The following SYNE1 variants were observed in gnomAD, a reference collection of about 807,000 sequenced individuals.
SYNE1 encodes the protein nesprin-1.
SYNE1 carries 616 observed loss-of-function variants against 1,111.0 expected under a neutral mutation model. The ratio of observed to expected loss-of-function variants is 0.55; its 90% CI spans 0.52 to 0.59. The LOEUF (loss-of-function observed/expected upper bound fraction) is 0.59. SYNE1 is among the 20% of genes least tolerant of loss of function. The pLI is 0.00. For synonymous variants in SYNE1, 3,855 were observed against 3,825.8 expected (o/e 1.01, Z -0.28); for missense variants, 10,006 against 10,417.0 (o/e 0.96, Z 1.72).
chr6:152,163,125 A>T (rs922995894), intron 131 of SYNE1, among the ~76,000 whole-genome samples: 2 of 152,164 alleles, frequency 1.3e-5, no homozygotes, highest in Admixed American at 1.3e-4. Context: ...AGCAACCTAA[A>T]TGCATGGAGT....
At chr6:152,279,081 G>A (rs2093836838) in intron 97 of SYNE1, among the ~76,000 whole-genome samples, 1 of 149,084 alleles carries the variant, frequency 6.7e-6, no homozygotes, top group East Asian at 2.0e-4. Context: ...ACTTTTAATT[G>A]TCTGTTATGG....
At chr6:152,623,746 G>T (rs919250457) in intron 3 of SYNE1, among the ~76,000 whole-genome samples, 1 of 151,860 alleles carries the variant, frequency 6.6e-6, no homozygotes, top group African/African-American at 2.4e-5. Flanking sequence ...ATATACATGC[G>T]GCCAACAATA....
In SYNE1 at chr6:152,369,014, C is replaced by A. The variant is rs759631028; in HGVS notation, c.9765G>T (p.Ser3255=). 3.1e-6 allele frequency: 5 copies of A among 1,614,176 alleles called. No homozygotes were observed. The Admixed American group carries it at 6.7e-5, about 22-fold the overall frequency. Residue 3255 remains serine, a synonymous_variant, in exon 61 of 146, where the codon TCG becomes TCT. Coordinates refer to ENST00000367255, the MANE Select transcript of SYNE1 (RefSeq NM_182961.4). ...GCGCTAGATACTGAGAAGACAGCTG[C>A]GACACTCTGTGCCTAAAGCTCTTGC... ...AASKSFRHRV[S]QLSSQYLALS...
chr6:152,442,755 G>A (rs1232412974), intron 30 of SYNE1, among the ~76,000 whole-genome samples: 1 of 152,092 alleles, frequency 6.6e-6, no homozygotes, highest in East Asian at 1.9e-4. Context: ...GAACAGTCTG[G>A]GCAACATAGC....
chr6:152,294,334 TA>T (rs1195117111), intron 93 of SYNE1, among the ~76,000 whole-genome samples: 2 of 152,196 alleles, frequency 1.3e-5, no homozygotes, highest in African/African-American at 2.4e-5. Context: ...AATTTTGGTT[TA>T]TATATATCAA....
rs573000687 is a variant in SYNE1, at chr6:152,380,689, G to A, written c.9009+317C>T. ...TGACTCTCTGTCTATTTATGCCCCT[G>A]CCCACAGGCCATTTTTCAGACTGAA... On this transcript the variant is annotated intron_variant, in intron 56 of 145. Transcript: ENST00000367255. The A allele has an allele frequency of 1.6e-5, 6 of 366,754 alleles. No homozygotes were observed. In the East Asian group the frequency reaches 4.2e-4, roughly 25 times the overall value. 22.7% of individuals were successfully genotyped at this position (366,754 alleles called of 1,614,324 possible).
intron 5 of SYNE1, among the ~76,000 whole-genome samples, chr6:152,521,502 C>A (rs2099139389): frequency 6.6e-6 from 1 of 152,158 alleles, no homozygotes; most frequent in Non-Finnish European, 1.5e-5. Context: ...TGTATCCTCT[C>A]CAACATTTGA....
chr6:152,148,215 C>A lies in SYNE1; in HGVS notation c.24806G>T (p.Arg8269Leu), dbSNP rs148367376. 1.1e-5 allele frequency: 18 copies of A among 1,613,974 alleles called. No homozygotes were observed. Among genetic ancestry groups the A allele is most frequent in the Non-Finnish European group, 1.4e-5 (17 of 1,180,014 alleles). Reference sequence around the variant, plus strand: ...ACTAGCCGGGGTGTCTCGTCCTGACCGCTCGCTCCGGAGGGGCTGAGCGAG... The same window carrying A: ...ACTAGCCGGGGTGTCTCGTCCTGACAGCTCGCTCCGGAGGGGCTGAGCGAG... The part of the protein sequence containing the change: ...LSLAQPLRSE[R>L]SGRDTPASVD... The change falls in exon 137 of 146, where the codon CGG becomes CTG. Residue 8269 changes from arginine (R) to leucine (L), a missense_variant. By Grantham distance (102) the Arg-to-Leu change is moderately radical. Transcript: ENST00000367255. This position sits in a 1 kb window ranked among gnomAD's most constrained non-coding sequence, Gnocchi z 4.1.
rs748375969 is a variant in SYNE1, at chr6:152,151,969, C to T, written c.24302G>A (p.Arg8101His). 10 of 1,614,040 alleles carry T rather than the reference C, an allele frequency of 6.2e-6. No individual in the cohort carries two copies. The highest frequency in any genetic ancestry group is 1.1e-5 in the South Asian group (1 of 91,070). The part of the protein sequence containing the change: ...NLQKRVTSIL[R>H]RLKHFIGQRE... ...AGGCATAGCAAAAACCTTGAGTCTG[C>T]GCAAGATGGAGGTGACACGCTTTTG... Residue 8101 changes from arginine (R) to histidine (H), a missense_variant, in exon 134 of 146, where the codon CGC (arginine) becomes CAC (histidine). Coordinates refer to ENST00000367255, the MANE Select transcript of SYNE1 (RefSeq NM_182961.4).
chr6:152,237,257 G>T (rs1378078570), intron 108 of SYNE1, among the ~76,000 whole-genome samples: 1 of 150,908 alleles, frequency 6.6e-6, no homozygotes, highest in Non-Finnish European at 1.5e-5. Context: ...TCTCCATCAT[G>T]AGGATTAAAT....
intron 66 of SYNE1, 86 bp from the exon 67 acceptor site, chr6:152,355,062 C>T: frequency 7.0e-7 from 1 of 1,431,014 alleles, no homozygotes; most frequent in Non-Finnish European, 9.8e-7. Context: ...CAACTGTGCC[C>T]ACTTGAACTT....
Position 152,465,926 on chromosome 6 carries a change from C to A in SYNE1, c.1729+56G>T, listed in dbSNP as rs993804541. 13 of 1,247,060 alleles carry A rather than the reference C, an allele frequency of 1.0e-5. No individual in the cohort carries two copies. The African/African-American group carries it at 1.9e-4, about 18-fold the overall frequency. The allele number at this position is 1,247,060 out of a possible 1,614,324, so 77.2% of individuals were successfully genotyped here. A position where few individuals can be genotyped will look rare whatever the true frequency, so the allele number is the denominator to read the frequency against. The stretch of plus-strand genomic sequence containing the variant: ...AATGATCTGATCAGATAGAAACCTG[C>A]AGGCTCTAAATTCTACTGCAGTCTA... On this transcript the variant is annotated intron_variant, in intron 17 of 145. Transcript: ENST00000367255.
chr6:152,334,348 A>T, intron 76 of SYNE1, 75 bp from the exon 77 acceptor site: 1 of 1,536,060 alleles, frequency 6.5e-7, no homozygotes, highest in African/African-American at 1.4e-5. Flanking sequence ...CAACACAGAC[A>T]TAAGACCTTT....
At chr6:152,445,356 A>G (rs965721566) in intron 29 of SYNE1, among the ~76,000 whole-genome samples, 32 of 152,068 alleles carry the variant, frequency 2.1e-4, no homozygotes, top group Non-Finnish European at 3.2e-4. Context: ...GTAGTCATCT[A>G]ATGGATTCTC....
At chr6:152,609,232 A>G (rs1336961109) in intron 3 of SYNE1, among the ~76,000 whole-genome samples, 1 of 152,046 alleles carries the variant, frequency 6.6e-6, no homozygotes. Context: ...GGAAGCCGTG[A>G]TAGACTGTAC....
intron 6 of SYNE1, 59 bp from the exon 7 acceptor site, chr6:152,511,162 T>G: frequency 1.4e-6 from 2 of 1,466,010 alleles, no homozygotes; most frequent in East Asian, 4.6e-5. Context: ...CTCATTTAAT[T>G]ATGTAACAAT....
chr6:152,434,354 C>T (rs2098454652), intron 33 of SYNE1: 1 of 193,870 alleles, frequency 5.2e-6, no homozygotes, highest in Admixed American at 5.4e-5. Flanking sequence ...GTTCTTCTTA[C>T]ACTTAAAGGA....
At chr6:152,276,032 T>TA (rs2093605182) in intron 98 of SYNE1, among the ~76,000 whole-genome samples, 1 of 90,346 alleles carries the variant, frequency 1.1e-5, no homozygotes, top group South Asian at 3.2e-4. Flanking sequence ...CTCGACTTCT[T>TA]TTTTTTTTTT....
Position 152,255,668 on chromosome 6 carries a change from C to T in SYNE1, c.19183G>A (p.Asp6395Asn). ...DGVSATSTWL[D>N]DVEERLFVAT... is the part of the protein sequence containing the mutation. Reference sequence around the variant, plus strand: ...ACAAATAAACGTTCTTCAACGTCATCCAACCAAGTAGAGGTGGCTGAGACT... The same window carrying T: ...ACAAATAAACGTTCTTCAACGTCATTCAACCAAGTAGAGGTGGCTGAGACT... Residue 6395 changes from aspartate (D) to asparagine (N), a missense_variant, in exon 103 of 146, where the codon GAT (aspartate) becomes AAT (asparagine). Coordinates refer to ENST00000367255, the MANE Select transcript of SYNE1 (RefSeq NM_182961.4). 1 of 1,614,204 alleles carries T rather than the reference C, an allele frequency of 6.2e-7. No individual in the cohort carries two copies. Among genetic ancestry groups the T allele is most frequent in the South Asian group, 1.1e-5 (1 of 91,092 alleles).
Sources: gnomAD v4.1 joint callset for allele counts (sites outside exome capture counted in the v4.1 genomes callset) on GRCh38, gnomAD v4.1.1 for gene constraint, Gnocchi (gnomAD v3.1) non-coding constraint, MANE v1.5 for transcripts, NCBI Gene and HGNC (gene_info 2026-07-23, HGNC 2026-07-21) for gene names.